Variants in FNDC3B observed in about 807,000 individuals in gnomAD.
The protein encoded by FNDC3B is fibronectin type III domain-containing protein 3B.
In FNDC3B, 12 loss-of-function variants were observed where a neutral mutation model predicts 151.5. That is an observed-to-expected ratio of 0.08 (90% CI 0.05 to 0.13). The LOEUF (loss-of-function observed/expected upper bound fraction) is 0.13. Among genes scored for constraint, FNDC3B ranks in the 10% least tolerant of loss-of-function variants. The pLI is 1.00. For synonymous variants in FNDC3B, 528 were observed against 549.0 expected (o/e 0.96, Z 0.54); for missense variants, 1,214 against 1,505.3 (o/e 0.81, Z 3.20).
At chr3:172,281,626 C>T (rs1348007894) in intron 6 of FNDC3B, among the ~76,000 whole-genome samples, 1 of 152,106 alleles carries the variant, frequency 6.6e-6, no homozygotes, top group South Asian at 2.1e-4. Flanking sequence ...TGGAAAATAG[C>T]CCCTGAGAAT....
At chr3:172,315,560 G>A (rs1055407703) in intron 11 of FNDC3B, among the ~76,000 whole-genome samples, 9 of 152,142 alleles carry the variant, frequency 5.9e-5, no homozygotes, top group African/African-American at 1.9e-4. Context: ...AACTGACCCC[G>A]CATTTTTGTA....
chr3:172,113,962 G>T (rs1443249188), intron 2 of FNDC3B, among the ~76,000 whole-genome samples: 2 of 152,056 alleles, frequency 1.3e-5, no homozygotes, highest in African/African-American at 2.4e-5. Context: ...ACCACTGCTG[G>T]ACCCCGTGCC....
chr3:172,374,757 AC>A (rs1295400868), intron 23 of FNDC3B, among the ~76,000 whole-genome samples: 1 of 152,138 alleles, frequency 6.6e-6, no homozygotes, highest in African/African-American at 2.4e-5. Flanking sequence ...CCATCATTTC[AC>A]TGATTGTACA....
intron 6 of FNDC3B, among the ~76,000 whole-genome samples, chr3:172,281,208 A>ATTAT (rs62700161): frequency 7.8e-6 from 1 of 129,016 alleles, no homozygotes; most frequent in Non-Finnish European, 1.6e-5. Context: ...CCTTATTATT[A>ATTAT]TTATTTATAT....
At chr3:172,333,237 T>G in intron 14 of FNDC3B, 62 bp downstream of exon 14, 1 of 1,063,490 alleles carries the variant, frequency 9.4e-7, no homozygotes. Flanking sequence ...ATTTCACCAT[T>G]TACCATGTCA....
At chr3:172,236,297 G>A (rs985679254) in intron 4 of FNDC3B, among the ~76,000 whole-genome samples, 1 of 152,202 alleles carries the variant, frequency 6.6e-6, no homozygotes, top group Non-Finnish European at 1.5e-5. Flanking sequence ...AAGAAGTGGA[G>A]TGGTATTTCC....
intron 9 of FNDC3B, chr3:172,301,968 C>A (rs1730931788): frequency 6.6e-6 from 1 of 152,180 alleles, no homozygotes; most frequent in Non-Finnish European, 1.5e-5. Flanking sequence ...TGAGATATTT[C>A]TTTTAGCAGC....
At chr3:172,044,802 C>T (rs1716282715) in intron 1 of FNDC3B, among the ~76,000 whole-genome samples, 1 of 152,106 alleles carries the variant, frequency 6.6e-6, no homozygotes, top group Non-Finnish European at 1.5e-5. Context: ...TAGGACATCC[C>T]CAAGTGCTTA....
Position 172,300,236 on chromosome 3 carries a change from A to G in FNDC3B, c.1061+1449A>G, listed in dbSNP as rs73033110. Among the ~76,000 whole-genome samples the G allele has an allele frequency of 4.9e-3, 741 of 152,326 alleles. 10 individuals carry two copies. The highest frequency in any genetic ancestry group is 0.016 in the African/African-American group (680 of 41,554). Reference sequence around the variant, plus strand: ...AATGGTCAATTTAACAACAAACCAGAAAATGTAAAACCAGAAAATGTAAAA... The same window carrying G: ...AATGGTCAATTTAACAACAAACCAGGAAATGTAAAACCAGAAAATGTAAAA... On this transcript the variant is annotated intron_variant, in intron 9 of 25. Transcript: ENST00000415807.
chr3:172,147,686 G>C (rs143635505), intron 3 of FNDC3B, among the ~76,000 whole-genome samples: 13 of 152,234 alleles, frequency 8.5e-5, no homozygotes, highest in African/African-American at 2.9e-4. Context: ...GTCTGGGGTG[G>C]GTGGGGCCAG....
chr3:172,094,708 A>C (rs1368215203), intron 1 of FNDC3B, among the ~76,000 whole-genome samples: 1 of 151,514 alleles, frequency 6.6e-6, no homozygotes, highest in Non-Finnish European at 1.5e-5. Context: ...AGAAACTCTA[A>C]CCTGAATGGT....
chr3:172,338,951 A>G (rs374847491), intron 16 of FNDC3B, among the ~76,000 whole-genome samples: 222 of 151,942 alleles, frequency 1.5e-3, no homozygotes, highest in South Asian at 4.0e-3. Flanking sequence ...TTTACCCAGG[A>G]TAGTCTCGAT....
intron 6 of FNDC3B, among the ~76,000 whole-genome samples, chr3:172,279,348 A>G (rs1729588412): frequency 6.6e-6 from 1 of 152,194 alleles, no homozygotes; most frequent in African/African-American, 2.4e-5. Flanking sequence ...AGCTGGGCAC[A>G]CTGCTTGGAA....
rs528361255 is a variant in FNDC3B at position 172,145,304 on chromosome 3, T to TA, written c.187+11766dup. Among the ~76,000 whole-genome samples, 139 of 151,932 alleles carry TA rather than the reference T, an allele frequency of 9.1e-4. 2 individuals carry two copies. Among genetic ancestry groups the TA allele is most frequent in the African/African-American group, 2.5e-3 (103 of 41,454 alleles). On this transcript the variant is annotated intron_variant, in intron 3 of 25. Coordinates refer to ENST00000415807, the MANE Select transcript of FNDC3B (RefSeq NM_022763.4). ...GCATCAAGGGAGAAGTCTTTGGGAG[T>TA]AAAAAAAAGAGTGGAAACTTAAATC...
intron 9 of FNDC3B, among the ~76,000 whole-genome samples, chr3:172,300,778 C>T (rs1730870200): frequency 6.6e-6 from 1 of 152,192 alleles, no homozygotes; most frequent in Non-Finnish European, 1.5e-5. Context: ...AGGAAGTTCT[C>T]TCTCCTTGGG....
chr3:172,300,789 G>T (rs772287387), intron 9 of FNDC3B, among the ~76,000 whole-genome samples: 2 of 152,144 alleles, frequency 1.3e-5, no homozygotes, highest in Non-Finnish European at 2.9e-5. Context: ...TCTCCTTGGG[G>T]ATGGTCAATT....
intron 1 of FNDC3B, among the ~76,000 whole-genome samples, chr3:172,107,132 A>C (rs1339251541): frequency 6.6e-6 from 1 of 152,178 alleles, no homozygotes; most frequent in African/African-American, 2.4e-5. Context: ...CCCACGTGGC[A>C]GCCTTTCCCT....
intron 16 of FNDC3B, among the ~76,000 whole-genome samples, chr3:172,340,483 G>T (rs1178602407): frequency 6.6e-6 from 1 of 151,866 alleles, no homozygotes; most frequent in African/African-American, 2.4e-5. Flanking sequence ...ACAAGGTTTC[G>T]CCAGGTTGGC....
At chr3:172,073,142 C>G (rs1560394441) in intron 1 of FNDC3B, among the ~76,000 whole-genome samples, 2 of 152,264 alleles carry the variant, frequency 1.3e-5, no homozygotes, top group Middle Eastern at 6.8e-3. Context: ...TGGGATTGAA[C>G]TGTTATTGTT....
Sources: gnomAD v4.1 joint callset for allele counts (sites outside exome capture counted in the v4.1 genomes callset) on GRCh38, gnomAD v4.1.1 for gene constraint, MANE v1.5 for transcripts, NCBI Gene and HGNC (gene_info 2026-07-23, HGNC 2026-07-21) for gene names.